The following BRINP1 variants were observed in gnomAD, a reference collection of about 807,000 sequenced individuals.
BRINP1 encodes BMP/retinoic acid inducible neural specific 1, also known as BMP/retinoic acid-inducible neural-specific protein 1.
A neutral mutation model predicts 72.9 loss-of-function variants in BRINP1; 17 were observed. The observed-to-expected ratio is 0.23, with a 90% CI of 0.16 to 0.35. BRINP1 has a LOEUF of 0.35. BRINP1 is among the 10% of genes least tolerant of loss of function. The probability of loss-of-function intolerance (pLI) is 1.00; values close to 1 mark genes in which losing one functional copy is unlikely to be tolerated. For missense variants in BRINP1, 850 were observed against 1,001.6 expected (o/e 0.85, Z 2.04); for synonymous variants, 418 against 378.5 (o/e 1.10, Z -1.21).
intron 1 of BRINP1, among the ~76,000 whole-genome samples, chr9:119,338,975 G>C (rs1458519461): frequency 6.6e-6 from 1 of 151,938 alleles, no homozygotes; most frequent in Non-Finnish European, 1.5e-5. Context: ...GGGAGAAAGA[G>C]AGGAGGACAG....
intron 1 of BRINP1, among the ~76,000 whole-genome samples, chr9:119,349,831 G>T (rs1564254700): frequency 6.6e-6 from 1 of 152,158 alleles, no homozygotes; most frequent in East Asian, 1.9e-4. Context: ...TCAGATCCGA[G>T]CTCTGTTCCT....
chr9:119,342,095 A>G (rs1016029374), intron 1 of BRINP1, among the ~76,000 whole-genome samples: 1 of 152,272 alleles, frequency 6.6e-6, no homozygotes, highest in East Asian at 1.9e-4. Context: ...CAAAGAAGTC[A>G]GTTATAAAGA....
intron 5 of BRINP1, among the ~76,000 whole-genome samples, chr9:119,231,400 T>C (rs1564223653): frequency 6.6e-6 from 1 of 152,218 alleles, no homozygotes; most frequent in East Asian, 1.9e-4. Flanking sequence ...GCAGTATCAA[T>C]TTTTCCCTCT....
At chr9:119,350,074 T>TG in intron 1 of BRINP1, among the ~76,000 whole-genome samples, 1 of 152,346 alleles carries the variant, frequency 6.6e-6, no homozygotes, top group Non-Finnish European at 1.5e-5. Flanking sequence ...TAGATGATTT[T>TG]GGATCCTGAC....
At chr9:119,275,055 T>C (rs933182777) in intron 2 of BRINP1, among the ~76,000 whole-genome samples, 25 of 152,292 alleles carry the variant, frequency 1.6e-4, no homozygotes, top group African/African-American at 5.8e-4. Context: ...CACAGGTCAA[T>C]CATAAGTAAA....
chr9:119,225,483 A>G (rs1205445854), intron 5 of BRINP1, among the ~76,000 whole-genome samples: 1 of 152,070 alleles, frequency 6.6e-6, no homozygotes, highest in East Asian at 1.9e-4. Context: ...TCCCTAGATT[A>G]CTTATGATAC....
intron 5 of BRINP1, among the ~76,000 whole-genome samples, chr9:119,220,617 C>T (rs189205139): frequency 0.015 from 2,193 of 147,444 alleles, 28 homozygotes; most frequent in Non-Finnish European, 0.02. Context: ...AAAACTAAAG[C>T]AAAAAAAAAA....
rs369979376 is a variant in BRINP1 at position 119,286,752 on chromosome 9, G to A, written c.218+26386C>T. Among the ~76,000 whole-genome samples the A allele has an allele frequency of 3.3e-5, 5 of 152,310 alleles. No homozygotes were observed. In the East Asian group the frequency reaches 5.8e-4, roughly 18 times the overall value. The stretch of plus-strand genomic sequence containing the variant: ...TGAAAGTTCAGAGACAGTCATGCCT[G>A]CTATACAAGGTCATGCACAAGAGGA... On this transcript the variant is annotated intron_variant, in intron 2 of 7. Transcript: ENST00000265922.
chr9:119,284,133 G>A (rs2118965706), intron 2 of BRINP1, among the ~76,000 whole-genome samples: 1 of 152,264 alleles, frequency 6.6e-6, no homozygotes, highest in South Asian at 2.1e-4. Flanking sequence ...TCCCATCTGG[G>A]TTTCGCTTTT....
intron 1 of BRINP1, among the ~76,000 whole-genome samples, chr9:119,347,876 A>G (rs1377292130): frequency 1.3e-5 from 2 of 152,052 alleles, no homozygotes; most frequent in African/African-American, 4.8e-5. Flanking sequence ...TCCCATATAC[A>G]TTTATCCAGT....
At chr9:119,283,664 C>A (rs1473072826) in intron 2 of BRINP1, among the ~76,000 whole-genome samples, 1 of 152,178 alleles carries the variant, frequency 6.6e-6, no homozygotes, top group Non-Finnish European at 1.5e-5. Flanking sequence ...TCCTGAGTAG[C>A]TGGGATTACA....
chr9:119,271,860 AT>A (rs893044667), intron 2 of BRINP1, among the ~76,000 whole-genome samples: 2 of 150,148 alleles, frequency 1.3e-5, no homozygotes, highest in Non-Finnish European at 3.0e-5. Flanking sequence ...TGAAACTACC[AT>A]TTTTTTTTCT....
intron 2 of BRINP1, among the ~76,000 whole-genome samples, chr9:119,270,450 T>C (rs1210255609): frequency 1.3e-5 from 2 of 152,090 alleles, no homozygotes; most frequent in Non-Finnish European, 2.9e-5. Flanking sequence ...TAGCTTGAAT[T>C]AGGGGAGTAG....
intron 1 of BRINP1, among the ~76,000 whole-genome samples, chr9:119,343,436 T>C (rs1223169530): frequency 6.6e-6 from 1 of 152,174 alleles, no homozygotes; most frequent in African/African-American, 2.4e-5. Context: ...CGCTCACCTC[T>C]TGAATTTACT....
chr9:119,291,645 T>C (rs1031823453), intron 2 of BRINP1, among the ~76,000 whole-genome samples: 6 of 152,202 alleles, frequency 3.9e-5, no homozygotes, highest in African/African-American at 1.4e-4. Flanking sequence ...TGGCTACTTT[T>C]TCTAGTTCTC....
intron 1 of BRINP1, among the ~76,000 whole-genome samples, chr9:119,363,323 A>G (rs7869856): frequency 0.19 from 28,603 of 152,022 alleles, 2,940 homozygotes; most frequent in African/African-American, 0.26. Flanking sequence ...GCTGGTCTCA[A>G]ACACCTGGGC....
intron 6 of BRINP1, among the ~76,000 whole-genome samples, chr9:119,211,200 AT>A: frequency 1.3e-5 from 2 of 150,916 alleles, no homozygotes; most frequent in Non-Finnish European, 3.0e-5. Context: ...TTATTTATTT[AT>A]TTATTTATTT....
intron 2 of BRINP1, among the ~76,000 whole-genome samples, chr9:119,287,557 G>GA (rs1252318818): frequency 6.6e-6 from 1 of 152,168 alleles, no homozygotes; most frequent in Non-Finnish European, 1.5e-5. Context: ...GATGAACAAG[G>GA]AAACAAACAC....
intron 7 of BRINP1, among the ~76,000 whole-genome samples, chr9:119,199,433 A>G (rs1274413446): frequency 6.6e-6 from 1 of 152,224 alleles, no homozygotes; most frequent in East Asian, 1.9e-4. Context: ...ACATGAGTTC[A>G]GAAGCTACGG....
Sources: gnomAD v4.1 joint callset for allele counts (sites outside exome capture counted in the v4.1 genomes callset) on GRCh38, gnomAD v4.1.1 for gene constraint, MANE v1.5 for transcripts, NCBI Gene and HGNC (gene_info 2026-07-23, HGNC 2026-07-21) for gene names.